CBARP: variants seen among roughly 807,000 people sequenced by gnomAD.
The protein encoded by CBARP is voltage-dependent calcium channel beta subunit-associated regulatory protein.
A neutral mutation model predicts 36.3 loss-of-function variants in CBARP; 24 were observed. The ratio of observed to expected loss-of-function variants is 0.66; its 90% CI spans 0.48 to 0.93. The LOEUF is 0.93. Among genes scored for constraint, CBARP ranks in the 40% least tolerant of loss-of-function variants. CBARP has a pLI of 0.00. For missense variants in CBARP, 1,146 were observed against 980.4 expected (o/e 1.17, Z -2.26); for synonymous variants, 586 against 453.2 (o/e 1.29, Z -3.72).
At chr19:1,234,079 G>A in intron 7 of CBARP, 112 bp downstream of exon 7, 2 of 1,281,234 alleles carry the variant, frequency 1.6e-6, no homozygotes, top group Non-Finnish European at 2.0e-6. Flanking sequence ...GGGCCAAGGA[G>A]GGCTGCGGTG....
chr19:1,230,873 C>CCCCACCCACCGCCCTACCCTTA, intron 9 of CBARP: 1 of 1,505,036 alleles, frequency 6.6e-7, no homozygotes. Flanking sequence ...GGCCCCTCCT[C>CCCCACCCACCGCCCTACCCTTA]CCCACCCACC....
intron 7 of CBARP, among the ~76,000 whole-genome samples, 161 bp downstream of exon 7, chr19:1,234,030 C>T (rs2080928464): frequency 6.6e-6 from 1 of 152,190 alleles, no homozygotes; most frequent in South Asian, 2.1e-4. Flanking sequence ...GTCCGGTGTG[C>T]GGCCGGCTCC....
chr19:1,229,091 G>C lies in CBARP; in HGVS notation c.*88C>G, dbSNP rs112249323. 1 of 409,978 alleles carries C rather than the reference G, an allele frequency of 2.4e-6. No individual in the cohort carries two copies. Among genetic ancestry groups the C allele is most frequent in the Non-Finnish European group, 3.3e-6 (1 of 302,482 alleles). The allele number at this position is 409,978 out of a possible 1,614,324, so 25.4% of individuals were successfully genotyped here. A position where few individuals can be genotyped will look rare whatever the true frequency, so the allele number is the denominator to read the frequency against. ...CCGCGGTCCCCGCGCATTCGCGTCG[G>C]GGCGTCGCGCCCCCACGTCTCTCCC... On this transcript the variant is annotated 3_prime_UTR_variant, in exon 10 of 10. Coordinates refer to ENST00000650044, the MANE Select transcript of CBARP (RefSeq NM_001393918.1). This position sits in a 1 kb window ranked among gnomAD's most constrained non-coding sequence, Gnocchi z 5.1.
intron 1 of CBARP, among the ~76,000 whole-genome samples, chr19:1,236,480 G>A (rs2080975266): frequency 6.6e-6 from 1 of 152,174 alleles, no homozygotes; most frequent in Admixed American, 6.5e-5. Context: ...GGGACGCCAA[G>A]GCGGTGCAGC....
intron 8 of CBARP, 141 bp from the exon 9 acceptor site, chr19:1,231,416 C>T: frequency 8.2e-7 from 1 of 1,222,778 alleles, no homozygotes; most frequent in Non-Finnish European, 1.1e-6. Context: ...GGACCCCCAC[C>T]ACACACACAC....
chr19:1,235,595 C>T, intron 3 of CBARP, 30 bp from the exon 4 acceptor site: 1 of 1,599,788 alleles, frequency 6.3e-7, no homozygotes, highest in Non-Finnish European at 8.5e-7. Flanking sequence ...AGCCCAGTGG[C>T]ACGGAGGGCC....
chr19:1,232,376 G>A (rs2080905758), intron 8 of CBARP, among the ~76,000 whole-genome samples: 1 of 152,138 alleles, frequency 6.6e-6, no homozygotes. Context: ...CCCACTGTCT[G>A]ATGATGTGTC....
rs562794491 is a variant in CBARP, at chr19:1,229,353, G to T, written c.1944C>A (p.Gly648=). ...PAIPVIEEEP[G]GGGCPGSGLC... Reference sequence around the variant, plus strand: ...GGCCCGAGCCGGGGCACCCCCCGCCGCCCGGCTCCTCCTCGATGACGGGGA... The same window carrying T: ...GGCCCGAGCCGGGGCACCCCCCGCCTCCCGGCTCCTCCTCGATGACGGGGA... The change falls in exon 10 of 10, where the codon GGC becomes GGA. Residue 648 remains glycine, a synonymous_variant. Coordinates refer to ENST00000650044, the MANE Select transcript of CBARP (RefSeq NM_001393918.1). The surrounding 1 kb of genome is among the most constrained non-coding windows in gnomAD (Gnocchi z 5.1). 2 of 1,191,886 alleles carry T rather than the reference G, an allele frequency of 1.7e-6. No homozygotes were observed. Among genetic ancestry groups the T allele is most frequent in the Non-Finnish European group, 2.1e-6 (2 of 939,566 alleles). The allele number at this position is 1,191,886 out of a possible 1,614,324, so 73.8% of individuals were successfully genotyped here. A position where few individuals can be genotyped will look rare whatever the true frequency, so the allele number is the denominator to read the frequency against.
At chr19:1,231,751 T>G (rs1020367519) in intron 8 of CBARP, among the ~76,000 whole-genome samples, 1 of 151,420 alleles carries the variant, frequency 6.6e-6, no homozygotes, top group Non-Finnish European at 1.5e-5. Context: ...CCGGGTCAGG[T>G]GGGTGCGGAC....
At position 1,236,047 on chromosome 19, in the gene CBARP, AGTGGTGGTGGTG is replaced by A. The variant is rs751898880; in HGVS notation, c.42_53del (p.Thr15_Thr18del). ...ACGACGTCGTCAGGGCTACTGTGGC[AGTGGTGGTGGTG>A]GTGGTGGTGGCGGCTGTGGCCATGG... On this transcript the variant is annotated inframe_deletion, in exon 2 of 10. Transcript: ENST00000650044. The A allele has an allele frequency of 6.8e-7, 1 of 1,473,668 alleles. No homozygotes were observed. The highest frequency in any genetic ancestry group is 1.4e-5 in the African/African-American group (1 of 71,050). The allele number at this position is 1,473,668 out of a possible 1,614,324, so 91.3% of individuals were successfully genotyped here.
At position 1,235,016 on chromosome 19, in the gene CBARP, T is replaced by G. The variant is rs774734659; in HGVS notation, c.440A>C (p.Gln147Pro). 1 of 1,608,636 alleles carries G rather than the reference T, an allele frequency of 6.2e-7. No homozygotes were observed. Among genetic ancestry groups the G allele is most frequent in the African/African-American group, 1.3e-5 (1 of 74,910 alleles). ...AALFEQSRKT[Q>P]DKGRRYTLTE... ...CCCCGCTTACCGGCGACCCTTGTCC[T>G]GCGTCTTGCGGCTCTGCTCAAACAG... The change falls in exon 5 of 10, where the codon CAG (glutamine) becomes CCG (proline). Residue 147 changes from glutamine (Q) to proline (P), a missense_variant. Gln to Pro is a moderately conservative substitution (Grantham distance 76). Coordinates refer to ENST00000650044, the MANE Select transcript of CBARP (RefSeq NM_001393918.1).
intron 9 of CBARP, 67 bp downstream of exon 9, chr19:1,231,034 A>AG (rs745357441): frequency 1.6e-4 from 247 of 1,546,198 alleles, no homozygotes; most frequent in South Asian, 2.2e-4. Context: ...TGGGCCGCCT[A>AG]GGGGGGGGCG....
chr19:1,235,204 C>A, intron 4 of CBARP, 59 bp from the exon 5 acceptor site: 1 of 1,418,480 alleles, frequency 7.0e-7, no homozygotes, highest in South Asian at 1.5e-5. Flanking sequence ...CGCCTGGTCC[C>A]GGGAGGGCTG....
At chr19:1,234,115 G>A in intron 7 of CBARP, 76 bp downstream of exon 7, 3 of 1,410,428 alleles carry the variant, frequency 2.1e-6, no homozygotes, top group Non-Finnish European at 1.9e-6. Context: ...GTTGACCTTG[G>A]TCCTGGACTG....
At chr19:1,238,145 C>T (rs1401125195), upstream of CBARP, 1 of 151,512 alleles carries the variant, frequency 6.6e-6, no homozygotes, top group Admixed American at 6.6e-5. Context: ...CCCGGCCCAT[C>T]GGCACGATTC....
rs1370576385 is a variant in CBARP at position 1,230,015 on chromosome 19, CG to C, written c.1281del (p.Glu428SerfsTer400). 8.1e-7 allele frequency: 1 copy of C among 1,232,798 alleles called. No homozygotes were observed. Among genetic ancestry groups the C allele is most frequent in the Admixed American group, 2.8e-5 (1 of 35,306 alleles). The allele number at this position is 1,232,798 out of a possible 1,614,324, so 76.4% of individuals were successfully genotyped here. On this transcript the variant is annotated frameshift_variant, in exon 10 of 10. Coordinates refer to ENST00000650044, the MANE Select transcript of CBARP (RefSeq NM_001393918.1). LOFTEE classifies it low-confidence loss of function (END_TRUNC). ...LEPDAERDAGPEQAQTSYRDL... is the reference protein window; with the variant it reads ...LEPDAERDAGXEQAQTSYRDL... ...TCGCGGTAGCTGGTCTGGGCCTGCTCGGGGCCCGCGTCCCGCTCGGCGTCCG... is the reference window on the plus strand; with the variant it reads ...TCGCGGTAGCTGGTCTGGGCCTGCTCGGGCCCGCGTCCCGCTCGGCGTCCG...
At chr19:1,230,664 C>T in intron 9 of CBARP, 4 of 1,279,546 alleles carry the variant, frequency 3.1e-6, no homozygotes, top group Non-Finnish European at 3.9e-6. Context: ...CCGACGTGGG[C>T]CCTGGGCTTC....
At position 1,229,293 on chromosome 19, in the gene CBARP, C is replaced by T. The variant is rs1278845232; in HGVS notation, c.2004G>A (p.Lys668=). ...CVLPSGSVLD[K]LAAGLDERLF... ...GTCTCTCGTCGAGGCCAGCCGCCAG[C>T]TTGTCCAGCACCGACCCGGATGGTA... Residue 668 remains lysine (K), a synonymous_variant, in exon 10 of 10, where the codon AAG becomes AAA. Coordinates refer to ENST00000650044, the MANE Select transcript of CBARP (RefSeq NM_001393918.1). The surrounding 1 kb of genome is among the most constrained non-coding windows in gnomAD (Gnocchi z 5.1). 4.0e-6 allele frequency: 5 copies of T among 1,260,756 alleles called. No homozygotes were observed. The South Asian group carries it at 6.4e-5, about 16-fold the overall frequency. The allele number at this position is 1,260,756 out of a possible 1,614,324, so 78.1% of individuals were successfully genotyped here.
chr19:1,234,040 CCT>C (rs2080928630), intron 7 of CBARP, 149 bp downstream of exon 7: 5 of 963,490 alleles, frequency 5.2e-6, no homozygotes, highest in Admixed American at 7.3e-5. Context: ...CGGCCGGCTC[CCT>C]CTTTCTCCCG....
Sources: allele counts gnomAD v4.1 joint callset (sites outside exome capture counted in the v4.1 genomes callset), GRCh38; gene constraint gnomAD v4.1.1; non-coding constraint Gnocchi (gnomAD v3.1); transcripts MANE v1.5; gene names NCBI Gene and HGNC (gene_info 2026-07-23, HGNC 2026-07-21).